Variants in COL4A6 observed in about 807,000 individuals in gnomAD.
COL4A6 encodes the protein collagen type IV alpha 6 chain, also known as collagen alpha-6(IV) chain.
COL4A6 carries 59 observed loss-of-function variants against 126.7 expected under a neutral mutation model. That is an observed-to-expected ratio of 0.47 (90% CI 0.38 to 0.58). The LOEUF is 0.58. Ranked by LOEUF, COL4A6 falls within the 20% of genes least tolerant of loss-of-function variation. The pLI is 0.00. For missense variants in COL4A6, 1,285 were observed against 1,337.3 expected (o/e 0.96, Z 0.61); for synonymous variants, 547 against 496.6 (o/e 1.10, Z -1.35).
intron 5 of COL4A6, among the ~76,000 whole-genome samples, chrX:108,218,416 T>C (rs1477219564): frequency 8.9e-6 from 1 of 112,700 alleles, no homozygotes; most frequent in Non-Finnish European, 1.9e-5. Context: ...CACTGGTCTA[T>C]TTCTGGGCAT....
intron 2 of COL4A6, among the ~76,000 whole-genome samples, chrX:108,337,964 T>C (rs1224961307): frequency 1.8e-5 from 2 of 111,060 alleles, no homozygotes; most frequent in Non-Finnish European, 3.8e-5. Context: ...CAGGAAAATG[T>C]AGGCTGATGT....
chrX:108,241,271 G>T (rs1259639074), intron 3 of COL4A6, among the ~76,000 whole-genome samples: 1 of 109,897 alleles, frequency 9.1e-6, no homozygotes. Flanking sequence ...ACCATAGAAT[G>T]CTCAGAAAAG....
At chrX:108,341,122 A>C (rs1453516054) in intron 2 of COL4A6, among the ~76,000 whole-genome samples, 1 of 111,150 alleles carries the variant, frequency 9.0e-6, no homozygotes, top group African/African-American at 3.3e-5. Context: ...CTGTCATTGA[A>C]CCTACCTAAA....
intron 37 of COL4A6, among the ~76,000 whole-genome samples, chrX:108,165,920 G>A (rs1476065653): frequency 5.3e-5 from 6 of 112,741 alleles, no homozygotes; most frequent in Non-Finnish European, 1.1e-4. Flanking sequence ...GTAGGCCACA[G>A]GCCCCAGCCA....
intron 5 of COL4A6, among the ~76,000 whole-genome samples, chrX:108,216,397 G>A (rs1294269329): frequency 8.9e-6 from 1 of 111,993 alleles, no homozygotes; most frequent in Non-Finnish European, 1.9e-5. Flanking sequence ...GTCAAATGGT[G>A]ATGACTAATA....
At chrX:108,349,648 C>T (rs1249424256) in intron 2 of COL4A6, among the ~76,000 whole-genome samples, 1 of 111,557 alleles carries the variant, frequency 9.0e-6, no homozygotes, top group Non-Finnish European at 1.9e-5. Flanking sequence ...TGTAATTATT[C>T]CTGTTCCCAC....
intron 2 of COL4A6, among the ~76,000 whole-genome samples, chrX:108,329,073 G>A (rs1271546816): frequency 9.0e-6 from 1 of 111,595 alleles, no homozygotes; most frequent in Non-Finnish European, 1.9e-5. Context: ...TGGGAAGGGG[G>A]CTGGGAATGA....
In COL4A6 at chrX:108,191,468, G is replaced by A. The variant is rs767133960; in HGVS notation, c.1246C>T (p.Arg416Cys). Residue 416 changes from arginine to cysteine, a missense_variant, in exon 19 of 45, where the codon CGT (arginine) becomes TGT (cysteine). Arg to Cys is a radical substitution (Grantham distance 180). Transcript: ENST00000334504. ...AGGCCAGCTGCTCCAATTGTGGTACGGCCTGGGTTTCCTTGGTCCCCCTTC... is the reference window on the plus strand; with the variant it reads ...AGGCCAGCTGCTCCAATTGTGGTACAGCCTGGGTTTCCTTGGTCCCCCTTC... ...GLKGDQGNPG[R>C]TTIGAAGLPG... is the part of the protein sequence containing the mutation. 5 of 1,209,517 alleles carry A rather than the reference G, an allele frequency of 4.1e-6. No homozygotes were observed. Among genetic ancestry groups the A allele is most frequent in the South Asian group, 1.8e-5 (1 of 56,727 alleles).
chrX:108,364,737 A>G (rs1046976069), intron 2 of COL4A6, among the ~76,000 whole-genome samples: 2 of 111,844 alleles, frequency 1.8e-5, no homozygotes, highest in Non-Finnish European at 3.8e-5. Flanking sequence ...TCATGTTGCT[A>G]CAAAAGACAT....
At chrX:108,256,091 C>T (rs1350983910) in intron 3 of COL4A6, among the ~76,000 whole-genome samples, 20 of 111,438 alleles carry the variant, frequency 1.8e-4, no homozygotes, top group Admixed American at 5.7e-4. Context: ...AGAGTTTTTG[C>T]AAAGAGGAAT....
At chrX:108,286,650 C>T (rs1020814819) in intron 3 of COL4A6, among the ~76,000 whole-genome samples, 1 of 111,543 alleles carries the variant, frequency 9.0e-6, no homozygotes, top group Non-Finnish European at 1.9e-5. Context: ...TAGTGCACTG[C>T]AGCCCTGAGC....
At chrX:108,211,646 C>G (rs1179498237) in intron 7 of COL4A6, 26 bp downstream of exon 7, 10 of 1,193,132 alleles carry the variant, frequency 8.4e-6, no homozygotes, top group Non-Finnish European at 1.1e-5. Flanking sequence ...ATAGCCTACT[C>G]AGCTATCTGA....
At chrX:108,404,034 A>C (rs965478465) in intron 2 of COL4A6, among the ~76,000 whole-genome samples, 21 of 111,120 alleles carry the variant, frequency 1.9e-4, no homozygotes, top group African/African-American at 6.9e-4. Context: ...TGCTATTCCA[A>C]GTCTTAACAA....
chrX:108,227,332 G>A (rs2036196739), intron 3 of COL4A6, among the ~76,000 whole-genome samples: 1 of 111,912 alleles, frequency 8.9e-6, no homozygotes, highest in Non-Finnish European at 1.9e-5. Context: ...TGAGGAAAAA[G>A]TCAAACTCTG....
chrX:108,204,456 G>A (rs781275973), intron 11 of COL4A6, 44 bp from the exon 12 acceptor site: 6 of 1,102,782 alleles, frequency 5.4e-6, no homozygotes, highest in South Asian at 3.7e-5. Flanking sequence ...CAATCACACC[G>A]ACCGTTTTTC....
intron 2 of COL4A6, among the ~76,000 whole-genome samples, chrX:108,349,435 G>A (rs770018859): frequency 1.3e-4 from 15 of 112,009 alleles, no homozygotes; most frequent in Non-Finnish European, 2.8e-4. Context: ...AGACTTTGGA[G>A]AAAAGATAGC....
chrX:108,432,958 A>G (rs1024029133), intron 2 of COL4A6, among the ~76,000 whole-genome samples: 5 of 112,270 alleles, frequency 4.5e-5, no homozygotes, highest in Non-Finnish European at 9.4e-5. Context: ...GGGACTGCAA[A>G]TAAGCCATTG....
intron 5 of COL4A6, among the ~76,000 whole-genome samples, chrX:108,216,050 C>A (rs1434420934): frequency 3.6e-5 from 4 of 112,054 alleles, no homozygotes; most frequent in Non-Finnish European, 7.5e-5. Context: ...GTCTTCCTCA[C>A]TCCTGAGCCC....
intron 2 of COL4A6, among the ~76,000 whole-genome samples, chrX:108,333,613 A>T (rs1161808724): frequency 1.8e-5 from 2 of 111,924 alleles, no homozygotes; most frequent in African/African-American, 6.5e-5. Flanking sequence ...ATTGGAAAAG[A>T]GAAAGTCAAA....
Sources: gnomAD v4.1 joint callset for allele counts (sites outside exome capture counted in the v4.1 genomes callset) on GRCh38, gnomAD v4.1.1 for gene constraint, MANE v1.5 for transcripts, NCBI Gene and HGNC (gene_info 2026-07-23, HGNC 2026-07-21) for gene names.